MYOM2: variants seen among roughly 807,000 people sequenced by gnomAD.
MYOM2 encodes the protein myomesin-2.
Under a neutral mutation model 187.6 loss-of-function variants are expected in MYOM2, and 254 were observed. That is an observed-to-expected ratio of 1.35 (90% confidence interval 1.22 to 1.50). The LOEUF (loss-of-function observed/expected upper bound fraction) is 1.50, where lower values mean the gene tolerates loss of function less well. Ranked by LOEUF, MYOM2 falls within the 40% of genes most tolerant of loss-of-function variation. The pLI is 0.00. For synonymous variants in MYOM2, 981 were observed against 753.8 expected (o/e 1.30, Z -4.94); for missense variants, 2,796 against 1,924.0 (o/e 1.45, Z -8.48).
chr8:2,100,186 T>TTCCTTCCTTCCTTCCTTCCC (rs1796658041), intron 19 of MYOM2, among the ~76,000 whole-genome samples: 1 of 145,284 alleles, frequency 6.9e-6, no homozygotes, highest in African/African-American at 2.5e-5. Context: ...CCTTCCTTCC[T>TTCCTTCCTTCCTTCCTTCCC]TCCCTCCCTG....
chr8:2,134,344 G>A (rs1336637446), intron 32 of MYOM2, among the ~76,000 whole-genome samples: 1 of 152,182 alleles, frequency 6.6e-6, no homozygotes, highest in Admixed American at 6.5e-5. Flanking sequence ...TGTTTCCCAT[G>A]ATTGGGTTGG....
At chr8:2,136,468 C>T (rs1279393555) in intron 32 of MYOM2, among the ~76,000 whole-genome samples, 1 of 152,226 alleles carries the variant, frequency 6.6e-6, no homozygotes, top group Non-Finnish European at 1.5e-5. Context: ...CCCTTCGTCA[C>T]TGGCTGAGAT....
At chr8:2,126,107 AGAGT>A (rs1247097586) in intron 31 of MYOM2, among the ~76,000 whole-genome samples, 1 of 152,188 alleles carries the variant, frequency 6.6e-6, no homozygotes, top group Admixed American at 6.5e-5. Flanking sequence ...AAGGTCTTGA[AGAGT>A]GAGTGTTTAT....
At chr8:2,106,722 G>A in intron 23 of MYOM2, 125 bp downstream of exon 23, 9 of 687,124 alleles carry the variant, frequency 1.3e-5, no homozygotes, top group Non-Finnish European at 1.9e-5. Context: ...CTGGCGGTGG[G>A]GGCTATGTAT....
chr8:2,128,091 T>TG (rs1444984449), intron 31 of MYOM2, among the ~76,000 whole-genome samples: 105 of 152,320 alleles, frequency 6.9e-4, no homozygotes, highest in African/African-American at 2.5e-3. Flanking sequence ...AATAATTACT[T>TG]ATTATTTCAT....
chr8:2,071,098 G>A (rs1585849733), intron 8 of MYOM2, among the ~76,000 whole-genome samples: 1 of 152,014 alleles, frequency 6.6e-6, no homozygotes, highest in Non-Finnish European at 1.5e-5. Context: ...CTCCCAAATA[G>A]CTGGGACTAC....
At chr8:2,116,565 T>C (rs929618843) in intron 27 of MYOM2, among the ~76,000 whole-genome samples, 1 of 152,164 alleles carries the variant, frequency 6.6e-6, no homozygotes, top group Non-Finnish European at 1.5e-5. Flanking sequence ...CTTTGAAATG[T>C]AGAGAAGGCA....
At chr8:2,048,396 A>G (rs990390759) in intron 1 of MYOM2, among the ~76,000 whole-genome samples, 4 of 152,254 alleles carry the variant, frequency 2.6e-5, no homozygotes, top group Non-Finnish European at 4.4e-5. Flanking sequence ...TTTCTTGAAG[A>G]TCCACCTTGA....
At chr8:2,100,008 CTTCCT>C (rs1434324080) in intron 19 of MYOM2, among the ~76,000 whole-genome samples, 3 of 113,090 alleles carry the variant, frequency 2.7e-5, no homozygotes, top group Admixed American at 8.5e-5. Flanking sequence ...TCCTTCCTTC[CTTCCT>C]TTCTTTCCTT....
intron 3 of MYOM2, among the ~76,000 whole-genome samples, chr8:2,054,703 C>T (rs911437830): frequency 2.6e-5 from 4 of 152,226 alleles, no homozygotes; most frequent in Non-Finnish European, 5.9e-5. Context: ...CAAGAGAGGA[C>T]ATCTGAACCT....
chr8:2,065,464 G>A (rs1818988383), intron 6 of MYOM2, among the ~76,000 whole-genome samples: 1 of 152,136 alleles, frequency 6.6e-6, no homozygotes, highest in Admixed American at 6.5e-5. Context: ...CAGCTACTCA[G>A]GAGGCTGAGG....
chr8:2,116,005 G>A lies in MYOM2; in HGVS notation c.3226G>A (p.Val1076Met), dbSNP rs1360788009. ...CAAAGCTACTGGCATTATTGAGATG[G>A]TGATGGATCGATTTAGTATTGAAAA... is the stretch of plus-strand genomic sequence containing the variant. The part of the protein sequence containing the change: ...CDKATGIIEM[V>M]MDRFSIENEG... The change falls in exon 26 of 37, where the codon GTG (valine) becomes ATG (methionine). Residue 1076 changes from valine (V) to methionine (M), a missense_variant. Coordinates refer to ENST00000262113, the MANE Select transcript of MYOM2 (RefSeq NM_003970.4). The A allele has an allele frequency of 1.2e-6, 2 of 1,614,052 alleles. No homozygotes were observed. Among genetic ancestry groups the A allele is most frequent in the South Asian group, 2.2e-5 (2 of 91,042 alleles).
chr8:2,055,437 A>C (rs1304160019), intron 3 of MYOM2, among the ~76,000 whole-genome samples: 1 of 152,210 alleles, frequency 6.6e-6, no homozygotes, highest in African/African-American at 2.4e-5. Flanking sequence ...TACCCCAGGC[A>C]AGAGGGCATG....
At chr8:2,131,031 A>G (rs908526584) in intron 32 of MYOM2, among the ~76,000 whole-genome samples, 1 of 152,142 alleles carries the variant, frequency 6.6e-6, no homozygotes, top group Admixed American at 6.5e-5. Context: ...CTTCTGGGAA[A>G]GGCCACCCCC....
At position 2,102,730 on chromosome 8, in the gene MYOM2, G is replaced by T; in HGVS notation, c.2683G>T (p.Val895Leu). The T allele has an allele frequency of 6.2e-7, 1 of 1,614,090 alleles. No individual in the cohort carries two copies. The change falls in exon 21 of 37, where the codon GTG (valine) becomes TTG (leucine). Residue 895 changes from valine (V) to leucine (L), a missense_variant. Transcript: ENST00000262113. ...GGTCCGGGCAGTCAATGCAAATGGC[G>T]TGGGGAAGCCCTCAGACACGTCGGA... is the stretch of plus-strand genomic sequence containing the variant. ...FRVRAVNANG[V>L]GKPSDTSEPV... is the part of the protein sequence containing the mutation.
At chr8:2,079,486 C>T in intron 12 of MYOM2, 74 bp from the exon 13 acceptor site, 7 of 1,441,028 alleles carry the variant, frequency 4.9e-6, no homozygotes, top group Non-Finnish European at 6.8e-6. Context: ...GCAGAGCTGG[C>T]ACAGAATGAG....
intron 22 of MYOM2, 27 bp downstream of exon 22, chr8:2,106,425 TG>T (rs1158799791): frequency 6.2e-7 from 1 of 1,612,044 alleles, no homozygotes; most frequent in African/African-American, 1.3e-5. Context: ...AGTTGGATAC[TG>T]GAAACTTTTA....
rs1479659925 is a variant in MYOM2 at position 2,145,091 on chromosome 8, A to G, written c.*110A>G. 9 of 1,154,572 alleles carry G rather than the reference A, an allele frequency of 7.8e-6. 1 individual carries two copies. The Middle Eastern group carries it at 1.3e-3, about 165-fold the overall frequency. 71.5% of individuals were successfully genotyped at this position (1,154,572 alleles called of 1,614,324 possible). A position where few individuals can be genotyped will look rare whatever the true frequency, so the allele number is the denominator to read the frequency against. ...TCCGAGTGGTGTCCTGTGTGGGCTG[A>G]TAGTTGATCACACATTGTGCTTTTG... is the stretch of plus-strand genomic sequence containing the variant. On this transcript the variant is annotated 3_prime_UTR_variant, in exon 37 of 37. Coordinates refer to ENST00000262113, the MANE Select transcript of MYOM2 (RefSeq NM_003970.4).
intron 9 of MYOM2, among the ~76,000 whole-genome samples, chr8:2,072,756 A>G (rs1417855513): frequency 6.6e-6 from 1 of 152,224 alleles, no homozygotes; most frequent in African/African-American, 2.4e-5. Flanking sequence ...TCGTACAGTG[A>G]CAGAAAGAAT....
Sources: allele counts gnomAD v4.1 joint callset (sites outside exome capture counted in the v4.1 genomes callset), GRCh38; gene constraint gnomAD v4.1.1; transcripts MANE v1.5; gene names NCBI Gene and HGNC (gene_info 2026-07-23, HGNC 2026-07-21).